SDK1: variants seen among roughly 807,000 people sequenced by gnomAD.
SDK1 encodes protein sidekick-1.
A neutral mutation model predicts 245.5 loss-of-function variants in SDK1; 157 were observed. The observed-to-expected ratio is 0.64, with a 90% CI of 0.56 to 0.73. The LOEUF (loss-of-function observed/expected upper bound fraction) is 0.73. Ranked by LOEUF, SDK1 falls within the 30% of genes least tolerant of loss-of-function variation. The pLI is 0.00. For synonymous variants in SDK1, 1,647 were observed against 1,278.5 expected (o/e 1.29, Z -6.15); for missense variants, 3,583 against 3,002.3 (o/e 1.19, Z -4.52).
rs189675846 is a variant in SDK1 at position 3,781,786 on chromosome 7, A to G, written c.714-39664A>G. Among the ~76,000 whole-genome samples the G allele has an allele frequency of 1.4e-4, 21 of 152,334 alleles. 1 individual carries two copies. The South Asian group carries it at 2.9e-3, about 21-fold the overall frequency. On this transcript the variant is annotated intron_variant, in intron 4 of 44. Coordinates refer to ENST00000404826, the MANE Select transcript of SDK1 (RefSeq NM_152744.4). ...CAGTGGCTGAGTTGAAAAATTCAAT[A>G]GAAAGCTTCAGCAGAAGACACTGTC...
chr7:3,694,629 C>T (rs1223395590), intron 4 of SDK1, among the ~76,000 whole-genome samples: 3 of 151,930 alleles, frequency 2.0e-5, no homozygotes, highest in Non-Finnish European at 4.4e-5. Context: ...AGTGGATGTT[C>T]TAAGACATTC....
chr7:3,904,956 G>A (rs1781913396), intron 5 of SDK1, among the ~76,000 whole-genome samples: 3 of 149,288 alleles, frequency 2.0e-5, no homozygotes, highest in Admixed American at 2.0e-4. Context: ...TCGCGCCACT[G>A]CACTCCAGCC....
chr7:3,896,664 C>T (rs968029463), intron 5 of SDK1, among the ~76,000 whole-genome samples: 1 of 152,184 alleles, frequency 6.6e-6, no homozygotes. Flanking sequence ...ACCCAGGAAT[C>T]ACTGTCCCGT....
At chr7:3,893,490 C>A (rs1196643426) in intron 5 of SDK1, among the ~76,000 whole-genome samples, 1 of 152,044 alleles carries the variant, frequency 6.6e-6, no homozygotes, top group Non-Finnish European at 1.5e-5. Flanking sequence ...GGCAGCTCCT[C>A]AGGTACCTGA....
chr7:3,642,162 C>A, intron 4 of SDK1, 57 bp downstream of exon 4: 1 of 1,499,150 alleles, frequency 6.7e-7, no homozygotes, highest in Admixed American at 1.8e-5. Flanking sequence ...CTTGCTGGCA[C>A]CATCTACACA....
intron 4 of SDK1, among the ~76,000 whole-genome samples, chr7:3,723,565 C>G (rs1042152309): frequency 4.1e-4 from 63 of 151,932 alleles, no homozygotes; most frequent in Non-Finnish European, 4.7e-4. Flanking sequence ...ATGAACTTTC[C>G]ATTATAAAAC....
intron 4 of SDK1, among the ~76,000 whole-genome samples, chr7:3,792,093 A>G (rs1345239653): frequency 6.6e-6 from 1 of 152,008 alleles, no homozygotes; most frequent in African/African-American, 2.4e-5. Context: ...GCACCACTGC[A>G]CTCCCGCCTG....
intron 5 of SDK1, among the ~76,000 whole-genome samples, chr7:3,877,242 A>G (rs1216279191): frequency 6.6e-6 from 1 of 152,096 alleles, no homozygotes; most frequent in African/African-American, 2.4e-5. Flanking sequence ...TGTTTTTTCC[A>G]TGCATTGGAG....
rs569190762 is a variant in SDK1 at position 3,665,393 on chromosome 7, C to G, written c.713+23288C>G. ...ATATCAGTTAAAATAATGAATAGTT[C>G]TTTTAGTCCTGCTCTAGCCTCTGCT... On this transcript the variant is annotated intron_variant, in intron 4 of 44. Coordinates refer to ENST00000404826, the MANE Select transcript of SDK1 (RefSeq NM_152744.4). Among the ~76,000 whole-genome samples, 8 of 152,296 alleles carry G rather than the reference C, an allele frequency of 5.3e-5. No individual in the cohort carries two copies. In the South Asian group the frequency reaches 1.7e-3, roughly 32 times the overall value.
chr7:4,176,131 TA>T (rs141558708), intron 34 of SDK1, among the ~76,000 whole-genome samples: 14 of 151,730 alleles, frequency 9.2e-5, no homozygotes, highest in African/African-American at 2.7e-4. Flanking sequence ...TTTTTTTTTT[TA>T]AAGAAACACT....
chr7:3,359,884 C>T (rs1205143107), intron 1 of SDK1, among the ~76,000 whole-genome samples: 1 of 152,154 alleles, frequency 6.6e-6, no homozygotes, highest in Non-Finnish European at 1.5e-5. Context: ...AGTCTTAGGG[C>T]AAATGTAGAA....
rs572659449 is a variant in SDK1, at chr7:3,662,041, ATTT to A, written c.713+19957_713+19959del. ...AAATAGAGGAAGAGGCAACGGTTGT[ATTT>A]TTTTTTTTTTTTTTTTTTTTGGTGT... is the stretch of plus-strand genomic sequence containing the variant. On this transcript the variant is annotated intron_variant, in intron 4 of 44. Transcript: ENST00000404826. Among the ~76,000 whole-genome samples, 431 of 125,722 alleles carry A rather than the reference ATTT, an allele frequency of 3.4e-3. 1 individual carries two copies. The highest frequency in any genetic ancestry group is 9.7e-3 in the African/African-American group (306 of 31,672). The allele number at this position is 125,722 out of a possible 152,430, so 82.5% of individuals were successfully genotyped here.
intron 1 of SDK1, among the ~76,000 whole-genome samples, chr7:3,359,049 C>G (rs918368295): frequency 6.6e-6 from 1 of 152,196 alleles, no homozygotes; most frequent in Admixed American, 6.5e-5. Flanking sequence ...TTGGCATTTT[C>G]CTCATCATAG....
chr7:3,688,726 G>A (rs1328217363), intron 4 of SDK1, among the ~76,000 whole-genome samples: 1 of 152,206 alleles, frequency 6.6e-6, no homozygotes, highest in Non-Finnish European at 1.5e-5. Context: ...GGATGCTACA[G>A]TGAACTTTTT....
chr7:4,155,242 G>A (rs565513679), intron 30 of SDK1, among the ~76,000 whole-genome samples: 3 of 151,306 alleles, frequency 2.0e-5, no homozygotes, highest in South Asian at 4.2e-4. Flanking sequence ...CCCCAGATCC[G>A]CATTTTGTGT....
intron 1 of SDK1, among the ~76,000 whole-genome samples, chr7:3,439,889 A>G (rs1780145454): frequency 6.6e-6 from 1 of 152,032 alleles, no homozygotes; most frequent in South Asian, 2.1e-4. Flanking sequence ...GGCAGGTCAG[A>G]TTGGGATAAT....
At chr7:3,549,084 C>A (rs1167454164) in intron 1 of SDK1, among the ~76,000 whole-genome samples, 1 of 152,224 alleles carries the variant, frequency 6.6e-6, no homozygotes, top group Non-Finnish European at 1.5e-5. Flanking sequence ...TAACTACTTG[C>A]CATTCAATGT....
intron 2 of SDK1, among the ~76,000 whole-genome samples, chr7:3,635,377 TG>T (rs1195921202): frequency 6.6e-6 from 1 of 152,238 alleles, no homozygotes. Flanking sequence ...TTGAATTACC[TG>T]TGTTGTCCAA....
At chr7:3,959,112 G>A in intron 8 of SDK1, 98 bp downstream of exon 8, 1 of 924,980 alleles carries the variant, frequency 1.1e-6, no homozygotes, top group Non-Finnish European at 1.8e-6. Flanking sequence ...GGGAGACATT[G>A]AGTGTGATGG....
Sources: gnomAD v4.1 joint callset for allele counts (sites outside exome capture counted in the v4.1 genomes callset) on GRCh38, gnomAD v4.1.1 for gene constraint, MANE v1.5 for transcripts, NCBI Gene and HGNC (gene_info 2026-07-23, HGNC 2026-07-21) for gene names.